Variants in TEX101 observed in about 807,000 individuals in gnomAD.
TEX101 encodes testis expressed 101, also known as testis-expressed protein 101.
In TEX101, 10 loss-of-function variants were observed where a neutral mutation model predicts 18.1. The ratio of observed to expected loss-of-function variants is 0.55; its 90% confidence interval spans 0.34 to 0.94. The LOEUF (loss-of-function observed/expected upper bound fraction) is 0.94, where lower values mean the gene tolerates loss of function less well. Ranked by LOEUF, TEX101 falls within the 40% of genes least tolerant of loss-of-function variation. The probability of loss-of-function intolerance (pLI) is 0.02; values close to 1 mark genes in which losing one functional copy is unlikely to be tolerated. For missense variants in TEX101, 259 were observed against 298.9 expected (o/e 0.87, Z 0.98); for synonymous variants, 94 against 114.8 (o/e 0.82, Z 1.16).
intron 4 of TEX101, 117 bp from the exon 5 acceptor site, chr19:43,417,760 GT>G: frequency 7.5e-7 from 1 of 1,324,572 alleles, no homozygotes; most frequent in Non-Finnish European, 1.1e-6. Flanking sequence ...GGAGGCTGAA[GT>G]AATGGGCCTT....
chr19:43,395,621 C>T, the TEX101 span, among the ~76,000 whole-genome samples: 25 of 152,332 alleles, frequency 1.6e-4, no homozygotes, highest in East Asian at 3.7e-3. Flanking sequence ...TTCCCAGGAA[C>T]GGCACAGACA....
chr19:43,415,087 T>C (rs1970458410), intron 1 of TEX101, 49 bp downstream of exon 1: 1 of 983,966 alleles, frequency 1.0e-6, no homozygotes, highest in Non-Finnish European at 1.2e-6. Flanking sequence ...GGAACGAGGG[T>C]TGGGGGCCTG....
chr19:43,395,418 C>T, the TEX101 span, among the ~76,000 whole-genome samples: 4 of 152,186 alleles, frequency 2.6e-5, no homozygotes, highest in African/African-American at 9.7e-5. Flanking sequence ...CCATCTTTCC[C>T]CACCCAGGTG....
chr19:43,389,151 A>G, the TEX101 span, among the ~76,000 whole-genome samples: 1 of 152,330 alleles, frequency 6.6e-6, no homozygotes, highest in South Asian at 2.1e-4. Flanking sequence ...GGAACTCTCC[A>G]GGTGGAACAC....
In TEX101 at chr19:43,415,889, C is replaced by A; in HGVS notation, c.-31C>A. On this transcript the variant is annotated 5_prime_UTR_variant, in exon 2 of 6. Coordinates refer to ENST00000598265, the MANE Select transcript of TEX101 (RefSeq NM_001130011.3). ...CTCCATCAAATTCACAGATCCAGAC[C>A]AGCTCCTCCCAGACCTCTCCAGAAG... 6.2e-7 allele frequency: 1 copy of A among 1,613,958 alleles called. No individual in the cohort carries two copies. Among genetic ancestry groups the A allele is most frequent in the Non-Finnish European group, 8.5e-7 (1 of 1,179,932 alleles).
chr19:43,391,322 A>G, the TEX101 span, among the ~76,000 whole-genome samples: 1 of 151,780 alleles, frequency 6.6e-6, no homozygotes, highest in Non-Finnish European at 1.5e-5. Context: ...AAACGACCAC[A>G]GTGGTTGTGC....
upstream of TEX101, among the ~76,000 whole-genome samples, chr19:43,399,802 AT>A (rs71169230): frequency 0.26 from 29,826 of 113,284 alleles, 3,490 homozygotes; most frequent in East Asian, 0.57. Context: ...CCTATGTCCT[AT>A]TTTTTTTTTT....
chr19:43,401,275 G>A (rs1003891923), upstream of TEX101, among the ~76,000 whole-genome samples: 1 of 152,134 alleles, frequency 6.6e-6, no homozygotes, highest in African/African-American at 2.4e-5. Flanking sequence ...ATAGCATCTA[G>A]GTGTCTTGAA....
At chr19:43,410,841 T>C (rs1027677056), upstream of TEX101, among the ~76,000 whole-genome samples, 8 of 151,814 alleles carry the variant, frequency 5.3e-5, no homozygotes, top group African/African-American at 1.7e-4. Context: ...TGAACACACA[T>C]AGCCAATTAT....
At chr19:43,411,582 T>G (rs1170684797), upstream of TEX101, among the ~76,000 whole-genome samples, 1 of 152,224 alleles carries the variant, frequency 6.6e-6, no homozygotes, top group African/African-American at 2.4e-5. Context: ...AAACGTTCCA[T>G]GGATTCATAA....
chr19:43,396,759 TAAAACAGC>T (rs1221146835), upstream of TEX101, among the ~76,000 whole-genome samples: 1 of 151,524 alleles, frequency 6.6e-6, no homozygotes, highest in African/African-American at 2.4e-5. Flanking sequence ...CTTCGGGGCT[TAAAACAGC>T]AACAGATATT....
At chr19:43,389,589 C>G in the TEX101 span, among the ~76,000 whole-genome samples, 1 of 152,078 alleles carries the variant, frequency 6.6e-6, no homozygotes, top group Non-Finnish European at 1.5e-5. Context: ...GCCCTTGGAG[C>G]TTGGTGACCT....
chr19:43,396,573 G>A (rs780789720), upstream of TEX101, among the ~76,000 whole-genome samples: 3 of 152,120 alleles, frequency 2.0e-5, no homozygotes, highest in Non-Finnish European at 4.4e-5. Flanking sequence ...ACTGACACCT[G>A]AACCCTATTT....
At chr19:43,411,172 G>A (rs1444722635), upstream of TEX101, among the ~76,000 whole-genome samples, 2 of 152,206 alleles carry the variant, frequency 1.3e-5, no homozygotes, top group Non-Finnish European at 2.9e-5. Flanking sequence ...CACCTCCCAG[G>A]TTCAAATGAT....
the TEX101 span, among the ~76,000 whole-genome samples, chr19:43,388,989 A>G: frequency 8.7e-3 from 1,327 of 152,044 alleles, 8 homozygotes; most frequent in Non-Finnish European, 0.014. Context: ...CTCCTGGTTC[A>G]TCTGATCTCC....
the TEX101 span, among the ~76,000 whole-genome samples, chr19:43,396,220 T>C: frequency 1.3e-5 from 2 of 152,312 alleles, 1 homozygote; most frequent in Admixed American, 1.3e-4. Context: ...ATTTAGGTAT[T>C]TAGGGGTCTG....
At chr19:43,391,138 A>T in the TEX101 span, among the ~76,000 whole-genome samples, 6 of 152,226 alleles carry the variant, frequency 3.9e-5, no homozygotes, top group South Asian at 2.1e-4. Flanking sequence ...TTGCTTATTC[A>T]TTCACGGATG....
upstream of TEX101, among the ~76,000 whole-genome samples, chr19:43,400,122 T>C (rs576208464): frequency 6.6e-6 from 1 of 152,302 alleles, no homozygotes; most frequent in East Asian, 1.9e-4. Context: ...GCCTCCTATG[T>C]CCTCTTGACA....
upstream of TEX101, among the ~76,000 whole-genome samples, chr19:43,398,961 T>C (rs1000789187): frequency 3.3e-5 from 5 of 152,206 alleles, no homozygotes; most frequent in Non-Finnish European, 5.9e-5. Context: ...TTCTGTTTTA[T>C]AGATTGAATG....
Sources: gnomAD v4.1 joint callset for allele counts (sites outside exome capture counted in the v4.1 genomes callset) on GRCh38, gnomAD v4.1.1 for gene constraint, MANE v1.5 for transcripts, NCBI Gene and HGNC (gene_info 2026-07-23, HGNC 2026-07-21) for gene names.